AHSG: variants seen among roughly 807,000 people sequenced by gnomAD.
AHSG encodes the protein alpha-2-HS-glycoprotein.
Under a neutral mutation model 30.1 loss-of-function variants are expected in AHSG, and 23 were observed. That is an observed-to-expected ratio of 0.76 (90% CI 0.55 to 1.08). The LOEUF is 1.08. Ranked by LOEUF, AHSG falls within the 50% of genes least tolerant of loss-of-function variation. The pLI, the probability that AHSG is intolerant of heterozygous loss-of-function variation, is 0.00. For missense variants in AHSG, 469 were observed against 459.5 expected, an observed-to-expected ratio of 1.02 and a Z score of -0.19; for synonymous variants, 164 against 186.3, an observed-to-expected ratio of 0.88 and a Z score of 0.98.
At chr3:186,620,044 T>A in intron 6 of AHSG, 104 bp downstream of exon 6, 1 of 769,230 alleles carries the variant, frequency 1.3e-6, no homozygotes, top group Non-Finnish European at 2.0e-6. Context: ...CTCCTGTGCT[T>A]CTGAATCTCA....
intron 5 of AHSG, among the ~76,000 whole-genome samples, chr3:186,619,391 G>C (rs1716407349): frequency 6.6e-6 from 1 of 152,132 alleles, no homozygotes; most frequent in African/African-American, 2.4e-5. Flanking sequence ...GACCAAAAAA[G>C]AGAGATCTGT....
At chr3:186,619,421 C>T (rs551873109) in intron 5 of AHSG, among the ~76,000 whole-genome samples, 1 of 152,222 alleles carries the variant, frequency 6.6e-6, no homozygotes, top group East Asian at 1.9e-4. Context: ...AGGAAGGTGT[C>T]ATTGAATAAT....
rs140749355 is a variant in AHSG, at chr3:186,615,524, A to C, written c.214-161A>C. On this transcript the variant is annotated intron_variant, in intron 1 of 6. Transcript: ENST00000411641. Reference sequence around the variant, plus strand: ...CTGGTCATTGTCCTGCCCACAGGCCAGTTCAGAGCTAGACGGAGTTGCAGA... The same window carrying C: ...CTGGTCATTGTCCTGCCCACAGGCCCGTTCAGAGCTAGACGGAGTTGCAGA... 2.6e-3 allele frequency among the ~76,000 whole-genome samples: 394 copies of C among 152,344 alleles called. 4 individuals are homozygous for C. The highest frequency in any genetic ancestry group is 9.2e-3 in the African/African-American group (383 of 41,574).
intron 1 of AHSG, among the ~76,000 whole-genome samples, chr3:186,614,743 C>A (rs1716243723): frequency 6.6e-6 from 1 of 152,218 alleles, no homozygotes; most frequent in African/African-American, 2.4e-5. Flanking sequence ...CGCTTTCAGG[C>A]AGTCACTCTG....
chr3:186,617,050 C>G lies in AHSG; in HGVS notation c.410-137C>G, dbSNP rs1188939349. 4.0e-6 allele frequency: 6 copies of G among 1,493,004 alleles called. No homozygotes were observed. The African/African-American group carries it at 8.4e-5, about 21-fold the overall frequency. 92.5% of individuals were successfully genotyped at this position (1,493,004 alleles called of 1,614,324 possible). On this transcript the variant is annotated intron_variant, in intron 3 of 6. Transcript: ENST00000411641. ...GCAGAAATGTCAGCATAGCAAAAGC[C>G]TTTTGAAGGTTTAGTAAGAAGCAGA...
chr3:186,614,106 C>T (rs1233428422), intron 1 of AHSG, among the ~76,000 whole-genome samples: 4 of 152,084 alleles, frequency 2.6e-5, no homozygotes, highest in Non-Finnish European at 5.9e-5. Flanking sequence ...AGGAAACCAA[C>T]GCAGCTTGAA....
In AHSG at chr3:186,620,711, A is replaced by G; in HGVS notation, c.885A>G (p.Pro295=). ...GACTCCCTCCAGCTGGCTCACCCCC[A>G]GACTCCCATGTGTTACTGGCAGCTC... The part of the protein sequence containing the change: ...APGLPPAGSP[P]DSHVLLAAPP... The change falls in exon 7 of 7, where the codon CCA becomes CCG. Residue 295 remains proline, a synonymous_variant. Coordinates refer to ENST00000411641, the MANE Select transcript of AHSG (RefSeq NM_001622.4). The G allele has an allele frequency of 6.2e-7, 1 of 1,614,092 alleles. No homozygotes were observed.
intron 6 of AHSG, 134 bp from the exon 7 acceptor site, chr3:186,620,451 TC>T: frequency 1.3e-6 from 1 of 786,260 alleles, no homozygotes; most frequent in Non-Finnish European, 2.1e-6. Context: ...CTTGGGTAGG[TC>T]CTTTCTTGCT....
rs754475590 is a variant in AHSG at position 186,615,809 on chromosome 3, TTAGGATGACTG to T, written c.324+19_324+29del. 1 of 1,607,640 alleles carries T rather than the reference TTAGGATGACTG, an allele frequency of 6.2e-7. No homozygotes were observed. The highest frequency in any genetic ancestry group is 1.7e-5 in the Admixed American group (1 of 60,008). ...CTGAAGGAGCATGTGAGTACCCTTCTTAGGATGACTGTAGGTGGCCCTTCGGCCAGCTCCAC... is the reference window on the plus strand; with the variant it reads ...CTGAAGGAGCATGTGAGTACCCTTCTTAGGTGGCCCTTCGGCCAGCTCCAC... On this transcript the variant is annotated intron_variant, in intron 2 of 6. Transcript: ENST00000411641.
In AHSG at chr3:186,613,121, C is replaced by T; in HGVS notation, c.-21C>T. ...AGCCTCCAACCACCTGCACGCCTGC[C>T]AGGGCCTCTCTGGGGCAGCCATGAA... On this transcript the variant is annotated 5_prime_UTR_variant, in exon 1 of 7. Transcript: ENST00000411641. 6.2e-7 allele frequency: 1 copy of T among 1,613,172 alleles called. No individual in the cohort carries two copies. Among genetic ancestry groups the T allele is most frequent in the Non-Finnish European group, 8.5e-7 (1 of 1,179,416 alleles).
chr3:186,616,337 C>A, intron 2 of AHSG, 106 bp from the exon 3 acceptor site: 2 of 751,822 alleles, frequency 2.7e-6, no homozygotes, highest in Admixed American at 2.6e-5. Context: ...TATTACCCAG[C>A]AAAGGCGATT....
intron 4 of AHSG, 95 bp from the exon 5 acceptor site, chr3:186,618,441 G>A: frequency 1.9e-6 from 3 of 1,553,816 alleles, no homozygotes; most frequent in Non-Finnish European, 2.6e-6. Context: ...TGCATGAATG[G>A]TGCTCCCCGA....
chr3:186,616,876 C>T (rs1163346922), intron 3 of AHSG, among the ~76,000 whole-genome samples: 1 of 152,136 alleles, frequency 6.6e-6, no homozygotes, highest in Admixed American at 6.5e-5. Context: ...GCAGGAGAAT[C>T]GCTTGAACCT....
chr3:186,620,191 T>G (rs991071602), intron 6 of AHSG, among the ~76,000 whole-genome samples: 1 of 152,136 alleles, frequency 6.6e-6, no homozygotes, highest in Non-Finnish European at 1.5e-5. Flanking sequence ...ACCTTTTTAT[T>G]TGTGGGAGGT....
At chr3:186,619,817 T>C (rs1436365188) in intron 5 of AHSG, 40 bp from the exon 6 acceptor site, 2 of 1,538,854 alleles carry the variant, frequency 1.3e-6, no homozygotes, top group African/African-American at 2.8e-5. Context: ...GGATCCATTT[T>C]TGAAATTAGT....
intron 4 of AHSG, 69 bp downstream of exon 4, chr3:186,617,419 G>C (rs1026042602): frequency 1.2e-6 from 2 of 1,612,610 alleles, no homozygotes; most frequent in African/African-American, 2.7e-5. Context: ...TGTACGTGGT[G>C]GAGCGGGAGG....
intron 4 of AHSG, chr3:186,617,914 AC>A (rs1716359289): frequency 1.1e-5 from 2 of 178,450 alleles, no homozygotes; most frequent in African/African-American, 4.8e-5. Flanking sequence ...CCATGGCCAT[AC>A]TTGGAAATAC....
At position 186,620,841 on chromosome 3, in the gene AHSG, A is replaced by T. The variant is rs777219905; in HGVS notation, c.1015A>T (p.Thr339Ser). 1 of 1,614,154 alleles carries T rather than the reference A, an allele frequency of 6.2e-7. No homozygotes were observed. The highest frequency in any genetic ancestry group is 8.5e-7 in the Non-Finnish European group (1 of 1,180,030). The change falls in exon 7 of 7, where the codon ACA becomes TCA. Residue 339 changes from threonine to serine, a missense_variant. Transcript: ENST00000411641. ...PSGEVSHPRK[T>S]RTVVQPSVGA... ...AGGAGAAGTGTCGCACCCCCGGAAA[A>T]CACGCACAGTGGTGCAGCCTAGTGT...
chr3:186,618,404 A>G lies in AHSG; in HGVS notation c.574-132A>G. On this transcript the variant is annotated intron_variant, in intron 4 of 6. Transcript: ENST00000411641. ...ACTGCCCTATGTAAGCCATTGAGGG[A>G]CATGTCTTCTGGGCCGACGCATGGT... 6 of 1,420,898 alleles carry G rather than the reference A, an allele frequency of 4.2e-6. No homozygotes were observed. In the South Asian group the frequency reaches 7.0e-5, roughly 17 times the overall value. 88.0% of individuals were successfully genotyped at this position (1,420,898 alleles called of 1,614,324 possible).
Sources: allele counts gnomAD v4.1 joint callset (sites outside exome capture counted in the v4.1 genomes callset), GRCh38; gene constraint gnomAD v4.1.1; transcripts MANE v1.5; gene names NCBI Gene and HGNC (gene_info 2026-07-23, HGNC 2026-07-21).